The following THSD7B variants were observed in gnomAD, a reference collection of about 807,000 sequenced individuals.
The protein encoded by THSD7B is thrombospondin type-1 domain-containing protein 7B.
In THSD7B, 138 loss-of-function variants were observed where a neutral mutation model predicts 213.6. The ratio of observed to expected loss-of-function variants is 0.65; its 90% CI spans 0.56 to 0.74. The LOEUF (loss-of-function observed/expected upper bound fraction) is 0.74, where lower values mean the gene tolerates loss of function less well. Among genes scored for constraint, THSD7B ranks in the 30% least tolerant of loss-of-function variants. THSD7B has a pLI of 0.00. For missense variants in THSD7B, 1,931 were observed against 1,991.5 expected, an observed-to-expected ratio of 0.97 and a Z score of 0.58; for synonymous variants, 742 against 687.0, an observed-to-expected ratio of 1.08 and a Z score of -1.25.
chr2:137,351,245 T>C (rs1685007073), intron 12 of THSD7B, among the ~76,000 whole-genome samples: 1 of 151,910 alleles, frequency 6.6e-6, no homozygotes, highest in African/African-American at 2.4e-5. Flanking sequence ...AATATAAGCT[T>C]AATATAGAAT....
chr2:137,627,024 G>A (rs1394726472), intron 20 of THSD7B, among the ~76,000 whole-genome samples: 3 of 152,166 alleles, frequency 2.0e-5, no homozygotes, highest in Admixed American at 6.5e-5. Context: ...TCAAGATTGG[G>A]CAGCTGCATC....
At chr2:137,175,938 G>T (rs1390463143) in intron 7 of THSD7B, among the ~76,000 whole-genome samples, 1 of 152,092 alleles carries the variant, frequency 6.6e-6, no homozygotes, top group East Asian at 1.9e-4. Flanking sequence ...CGATTCACCA[G>T]AATTCTAAAG....
At chr2:137,534,578 A>G (rs1030870981) in intron 15 of THSD7B, among the ~76,000 whole-genome samples, 29 of 151,824 alleles carry the variant, frequency 1.9e-4, no homozygotes, top group African/African-American at 6.3e-4. Context: ...TTTTACTTCC[A>G]TGAACTAAAC....
chr2:136,941,009 C>T (rs1271618604), intron 2 of THSD7B, among the ~76,000 whole-genome samples: 1 of 151,890 alleles, frequency 6.6e-6, no homozygotes, highest in Non-Finnish European at 1.5e-5. Context: ...TCCTCCAGCC[C>T]CCCACCCCAT....
chr2:137,167,793 C>A (rs557831557), intron 6 of THSD7B, among the ~76,000 whole-genome samples: 2 of 152,308 alleles, frequency 1.3e-5, no homozygotes, highest in South Asian at 4.1e-4. Context: ...TTATGGCTCT[C>A]CCCTGCTGTG....
intron 1 of THSD7B, among the ~76,000 whole-genome samples, chr2:136,847,885 C>G (rs889213473): frequency 2.0e-5 from 3 of 152,136 alleles, no homozygotes; most frequent in Non-Finnish European, 4.4e-5. Context: ...AATTCTAAAA[C>G]CATGCAGCCC....
chr2:137,628,500 C>T (rs750773302), intron 20 of THSD7B, among the ~76,000 whole-genome samples: 1 of 152,124 alleles, frequency 6.6e-6, no homozygotes, highest in Admixed American at 6.5e-5. Context: ...AGAGAGTAAA[C>T]TAACAAGTAA....
intron 1 of THSD7B, among the ~76,000 whole-genome samples, chr2:136,803,228 A>G (rs539011269): frequency 1.3e-5 from 2 of 152,230 alleles, no homozygotes; most frequent in East Asian, 3.9e-4. Flanking sequence ...CAAACAGAAA[A>G]TTAATGTAAT....
intron 9 of THSD7B, among the ~76,000 whole-genome samples, chr2:137,234,941 T>C (rs1394144405): frequency 6.6e-6 from 1 of 152,214 alleles, no homozygotes; most frequent in African/African-American, 2.4e-5. Context: ...TTATTAGCAG[T>C]GTTCTTGGAA....
At chr2:137,216,250 G>A (rs1681239160) in intron 7 of THSD7B, among the ~76,000 whole-genome samples, 1 of 141,882 alleles carries the variant, frequency 7.0e-6, no homozygotes, top group Admixed American at 7.1e-5. Flanking sequence ...GCAGTTGTCA[G>A]GGTATCCCTG....
chr2:137,650,214 A>G (rs1683111800), intron 21 of THSD7B, among the ~76,000 whole-genome samples: 1 of 152,210 alleles, frequency 6.6e-6, no homozygotes, highest in Non-Finnish European at 1.5e-5. Context: ...ATCCATGTGC[A>G]TAGAATATCT....
intron 15 of THSD7B, among the ~76,000 whole-genome samples, chr2:137,493,718 T>C (rs1215855321): frequency 2.6e-5 from 4 of 152,220 alleles, no homozygotes; most frequent in African/African-American, 9.6e-5. Flanking sequence ...AAAATGCAGA[T>C]GAGAGAAAAG....
chr2:137,216,884 A>T (rs943295057), intron 7 of THSD7B, among the ~76,000 whole-genome samples: 1 of 152,196 alleles, frequency 6.6e-6, no homozygotes, highest in African/African-American at 2.4e-5. Flanking sequence ...TGTCTAGGTT[A>T]GCTGCCTAGT....
chr2:137,002,917 T>G (rs1686028907), intron 2 of THSD7B, among the ~76,000 whole-genome samples: 1 of 152,172 alleles, frequency 6.6e-6, no homozygotes, highest in Non-Finnish European at 1.5e-5. Context: ...TGAGATAAAT[T>G]GATGGGAAGC....
chr2:137,236,255 G>A (rs556427509), intron 9 of THSD7B, among the ~76,000 whole-genome samples: 24 of 152,286 alleles, frequency 1.6e-4, no homozygotes, highest in African/African-American at 4.6e-4. Context: ...TCCATGGAAC[G>A]TGTGGTTCAA....
At chr2:137,185,302 A>T (rs1175604731) in intron 7 of THSD7B, among the ~76,000 whole-genome samples, 4 of 151,888 alleles carry the variant, frequency 2.6e-5, no homozygotes, top group Non-Finnish European at 1.5e-5. Flanking sequence ...GGTTTGTTAC[A>T]AAGGTATATT....
At chr2:137,418,279 C>T (rs1010686529) in intron 14 of THSD7B, among the ~76,000 whole-genome samples, 1 of 152,088 alleles carries the variant, frequency 6.6e-6, no homozygotes, top group Non-Finnish European at 1.5e-5. Context: ...CTTCTTCTGG[C>T]CAGCCTCTCT....
At chr2:136,792,963 G>A (rs1040101821) in intron 1 of THSD7B, among the ~76,000 whole-genome samples, 4 of 151,920 alleles carry the variant, frequency 2.6e-5, no homozygotes, top group Non-Finnish European at 4.4e-5. Context: ...GTCTTGATAT[G>A]TCACAGTTTG....
chr2:137,204,945 G>A (rs188488608), intron 7 of THSD7B, among the ~76,000 whole-genome samples: 29 of 152,158 alleles, frequency 1.9e-4, no homozygotes, highest in African/African-American at 6.0e-4. Flanking sequence ...CAAAATCTTC[G>A]TCATCAGGGA....
Sources: gnomAD v4.1 joint callset for allele counts (sites outside exome capture counted in the v4.1 genomes callset) on GRCh38, gnomAD v4.1.1 for gene constraint, MANE v1.5 for transcripts, NCBI Gene and HGNC (gene_info 2026-07-23, HGNC 2026-07-21) for gene names.